The following ZNF567 variants were observed in gnomAD, a reference collection of about 807,000 sequenced individuals.
ZNF567 encodes zinc finger protein 567.
Under a neutral mutation model 53.9 loss-of-function variants are expected in ZNF567, and 36 were observed. That is an observed-to-expected ratio of 0.67 (90% CI 0.51 to 0.88). The LOEUF (loss-of-function observed/expected upper bound fraction) is 0.88. ZNF567 is among the 40% of genes least tolerant of loss of function. The pLI is 0.00. For synonymous variants in ZNF567, 224 were observed against 260.4 expected (o/e 0.86, Z 1.35); for missense variants, 619 against 764.7 (o/e 0.81, Z 2.25).
At chr19:36,688,024 G>T (rs1452998545) in intron 1 of ZNF567, among the ~76,000 whole-genome samples, 1 of 152,086 alleles carries the variant, frequency 6.6e-6, no homozygotes, top group Non-Finnish European at 1.5e-5. Context: ...GTGTTATTCT[G>T]TGTGACGTTG....
chr19:36,687,960 CGTGT>C (rs138621038), intron 1 of ZNF567, among the ~76,000 whole-genome samples: 6 of 150,772 alleles, frequency 4.0e-5, no homozygotes, highest in African/African-American at 1.5e-4. Context: ...ACAGGCGCTC[CGTGT>C]GTGTGTGTGT....
chr19:36,682,067 G>A, the ZNF567 span, among the ~76,000 whole-genome samples: 6 of 152,158 alleles, frequency 3.9e-5, no homozygotes, highest in South Asian at 1.2e-3. Flanking sequence ...CTTGAGGCCA[G>A]GAATTCAAGA....
At chr19:36,717,818 G>GA (rs1424871468) in intron 5 of ZNF567, among the ~76,000 whole-genome samples, 1 of 152,130 alleles carries the variant, frequency 6.6e-6, no homozygotes, top group Non-Finnish European at 1.5e-5. Flanking sequence ...TCTACCATAT[G>GA]AAAAACTGGA....
intron 2 of ZNF567, among the ~76,000 whole-genome samples, chr19:36,693,471 A>G (rs1405759641): frequency 6.6e-6 from 1 of 152,154 alleles, no homozygotes; most frequent in African/African-American, 2.4e-5. Context: ...AATAAAATAA[A>G]AATAAGACTT....
At chr19:36,693,259 T>C (rs1000341319) in intron 2 of ZNF567, among the ~76,000 whole-genome samples, 1 of 151,966 alleles carries the variant, frequency 6.6e-6, no homozygotes, top group African/African-American at 2.4e-5. Context: ...CTGCACTCCA[T>C]CCTGGGCAAC....
downstream of ZNF567, among the ~76,000 whole-genome samples, chr19:36,724,672 ACTT>A: frequency 8.3e-6 from 1 of 120,488 alleles, no homozygotes; most frequent in Non-Finnish European, 1.7e-5. Flanking sequence ...AAAAAGCGAG[ACTT>A]CATCTCAAAA....
chr19:36,726,982 T>TTCTCTTTCTTTCTTTCTTTC (rs375360156), downstream of ZNF567: 1 of 55,386 alleles, frequency 1.8e-5, no homozygotes, highest in Non-Finnish European at 3.6e-5. Context: ...CTTTCTTTCT[T>TTCTCTTTCTTTCTTTCTTTC]TTTCTTTCTT....
chr19:36,677,800 T>C, the ZNF567 span, among the ~76,000 whole-genome samples: 5 of 152,242 alleles, frequency 3.3e-5, no homozygotes, highest in South Asian at 1.0e-3. Context: ...TTTTAAAGAA[T>C]ATTTTCCTTT....
At position 36,718,979 on chromosome 19, in the gene ZNF567, G is replaced by A; in HGVS notation, c.255G>A (p.Val85=). ...EENWKAEDFL[V]KFKEHQEKYS... Reference sequence around the variant, plus strand: ...ACTGGAAAGCTGAAGACTTTTTAGTGAAATTCAAGGAACACCAAGAGAAGT... The same window carrying A: ...ACTGGAAAGCTGAAGACTTTTTAGTAAAATTCAAGGAACACCAAGAGAAGT... Residue 85 remains valine (V), a synonymous_variant, in exon 6 of 6, where the codon GTG becomes GTA. Transcript: ENST00000682579. 1 of 1,566,326 alleles carries A rather than the reference G, an allele frequency of 6.4e-7. No individual in the cohort carries two copies. Among genetic ancestry groups the A allele is most frequent in the Non-Finnish European group, 8.6e-7 (1 of 1,163,652 alleles).
rs1640477301 is a variant in ZNF567, at chr19:36,720,723, A to C, written c.*55A>C. The C allele has an allele frequency of 2.1e-6, 3 of 1,441,092 alleles. No individual in the cohort carries two copies. Among genetic ancestry groups the C allele is most frequent in the Non-Finnish European group, 2.8e-6 (3 of 1,084,444 alleles). 89.3% of individuals were successfully genotyped at this position (1,441,092 alleles called of 1,614,324 possible). On this transcript the variant is annotated 3_prime_UTR_variant, in exon 6 of 6. Coordinates refer to ENST00000682579, the MANE Select transcript of ZNF567 (RefSeq NM_001322917.1). ...CAAGCTGTTGTAAACATTTAGTTTT[A>C]AAAAGAAAAGCATGCTGAAACATGT... is the stretch of plus-strand genomic sequence containing the variant.
At chr19:36,710,983 T>C (rs2039753485) in intron 3 of ZNF567, among the ~76,000 whole-genome samples, 1 of 152,154 alleles carries the variant, frequency 6.6e-6, no homozygotes, top group Non-Finnish European at 1.5e-5. Flanking sequence ...AACCAGGAGT[T>C]TGGCAGAGTT....
intron 3 of ZNF567, among the ~76,000 whole-genome samples, 186 bp downstream of exon 3, chr19:36,695,062 C>G (rs1391900155): frequency 6.6e-6 from 1 of 151,822 alleles, no homozygotes; most frequent in Non-Finnish European, 1.5e-5. Context: ...CAATTTTAAC[C>G]AATGTTGACA....
At chr19:36,718,371 T>C (rs1002509782) in intron 5 of ZNF567, among the ~76,000 whole-genome samples, 2 of 152,112 alleles carry the variant, frequency 1.3e-5, no homozygotes, top group Non-Finnish European at 2.9e-5. Context: ...TGGTGGCACA[T>C]GCCTGTAATC....
chr19:36,681,216 C>T, the ZNF567 span, among the ~76,000 whole-genome samples: 19 of 151,272 alleles, frequency 1.3e-4, no homozygotes, highest in Non-Finnish European at 2.4e-4. Flanking sequence ...ACTGTAATCT[C>T]AACCTCCTGG....
At chr19:36,678,832 CAGAGTG>C in the ZNF567 span, among the ~76,000 whole-genome samples, 3 of 144,264 alleles carry the variant, frequency 2.1e-5, no homozygotes, top group Non-Finnish European at 4.5e-5. Context: ...GCCTAGGTGA[CAGAGTG>C]AGACTCTGTC....
At chr19:36,667,738 C>T in the ZNF567 span, among the ~76,000 whole-genome samples, 19 of 148,964 alleles carry the variant, frequency 1.3e-4, no homozygotes, top group East Asian at 4.1e-4. Flanking sequence ...CAAGCTCCGC[C>T]TCCCGGGTTC....
chr19:36,717,117 G>A (rs773039429), intron 5 of ZNF567, among the ~76,000 whole-genome samples: 22 of 152,116 alleles, frequency 1.4e-4, no homozygotes, highest in Non-Finnish European at 2.2e-4. Flanking sequence ...ATGAGCAACC[G>A]TGCCCAGCCC....
the ZNF567 span, among the ~76,000 whole-genome samples, chr19:36,670,281 C>T: frequency 7.2e-5 from 11 of 152,086 alleles, no homozygotes; most frequent in African/African-American, 1.9e-4. Context: ...ACTTAGTAAC[C>T]GGCAGAATCC....
At chr19:36,714,108 C>T (rs1278094141) in intron 5 of ZNF567, among the ~76,000 whole-genome samples, 1 of 152,026 alleles carries the variant, frequency 6.6e-6, no homozygotes, top group Admixed American at 6.6e-5. Context: ...CTTATCTTGC[C>T]ATTGTGATAA....
Sources: gnomAD v4.1 joint callset for allele counts (sites outside exome capture counted in the v4.1 genomes callset) on GRCh38, gnomAD v4.1.1 for gene constraint, MANE v1.5 for transcripts, NCBI Gene and HGNC (gene_info 2026-07-23, HGNC 2026-07-21) for gene names.